Variants in PRDM2 observed in about 807,000 individuals in gnomAD.
The protein encoded by PRDM2 is PR domain zinc finger protein 2.
Under a neutral mutation model 130.0 loss-of-function variants are expected in PRDM2, and 30 were observed. That is an observed-to-expected ratio of 0.23 (90% CI 0.17 to 0.31). PRDM2 has a LOEUF of 0.31. PRDM2 is among the 10% of genes least tolerant of loss of function. PRDM2 has a pLI of 1.00. For missense variants in PRDM2, 2,011 were observed against 2,108.4 expected, an observed-to-expected ratio of 0.95 and a Z score of 0.90; for synonymous variants, 871 against 782.4, an observed-to-expected ratio of 1.11 and a Z score of -1.89.
intron 8 of PRDM2, among the ~76,000 whole-genome samples, chr1:13,799,516 C>T (rs1644975125): frequency 6.6e-6 from 1 of 151,906 alleles, no homozygotes; most frequent in Non-Finnish European, 1.5e-5. Flanking sequence ...ACCAGAAATC[C>T]TTCTGAACTT....
chr1:13,729,935 A>C (rs1643048631), intron 2 of PRDM2, among the ~76,000 whole-genome samples: 1 of 152,222 alleles, frequency 6.6e-6, no homozygotes, highest in Non-Finnish European at 1.5e-5. Flanking sequence ...TGAAATGCTG[A>C]GAGTATGCCA....
In PRDM2 at chr1:13,803,945, C is replaced by A. The variant is rs1014317729; in HGVS notation, c.5037-12482C>A. 2.0e-5 allele frequency among the ~76,000 whole-genome samples: 3 copies of A among 152,166 alleles called. No individual in the cohort carries two copies. The highest frequency in any genetic ancestry group is 7.2e-5 in the African/African-American group (3 of 41,434). On this transcript the variant is annotated intron_variant, in intron 8 of 9. Transcript: ENST00000311066. This position sits in a 1 kb window ranked among gnomAD's most constrained non-coding sequence, Gnocchi z 6.2. Reference sequence around the variant, plus strand: ...CACATTGGGGGCTCAGCAGTGGGCCCATGGCCTCCCTCAGGGCTGATGAGA... The same window carrying A: ...CACATTGGGGGCTCAGCAGTGGGCCAATGGCCTCCCTCAGGGCTGATGAGA...
At chr1:13,773,665 GA>G (rs1480195409) in intron 7 of PRDM2, 2 of 152,258 alleles carry the variant, frequency 1.3e-5, no homozygotes, top group Non-Finnish European at 2.9e-5. Flanking sequence ...ATTGAGCTGT[GA>G]TCCCCCCACT....
rs555605153 is a variant in PRDM2, at chr1:13,809,172, G to A, written c.5037-7255G>A. 3.9e-5 allele frequency among the ~76,000 whole-genome samples: 6 copies of A among 152,350 alleles called. No homozygotes were observed. The South Asian group carries it at 6.2e-4, about 16-fold the overall frequency. ...GTGCAGGCTGGACTTGATGTATCAA[G>A]GAACTTGGACTGCGTCCTGGGAGCC... On this transcript the variant is annotated intron_variant, in intron 8 of 9. Transcript: ENST00000311066.
At chr1:13,774,219 T>A (rs1302848778) in intron 7 of PRDM2, among the ~76,000 whole-genome samples, 1 of 152,198 alleles carries the variant, frequency 6.6e-6, no homozygotes, top group Non-Finnish European at 1.5e-5. Context: ...TGGGCCACCA[T>A]ATTGAGACTA....
chr1:13,812,200 G>A (rs1434419179), intron 8 of PRDM2, among the ~76,000 whole-genome samples: 1 of 152,164 alleles, frequency 6.6e-6, no homozygotes, highest in African/African-American at 2.4e-5. Flanking sequence ...AGTGGCAATT[G>A]CCACAGTCCC....
In PRDM2 at chr1:13,781,997, A is replaced by G; in HGVS notation, c.4202A>G (p.Lys1401Arg). The change falls in exon 8 of 10, where the codon AAA becomes AGA. Residue 1401 changes from lysine to arginine, a missense_variant. Physicochemically the swap from Lys to Arg is conservative, Grantham distance 26 (BLOSUM62 2). Around this residue, in one of 5 missense-constraint regions of PRDM2, gnomAD observed 410 missense variants for 395.9 expected, o/e 1.04. Coordinates refer to ENST00000311066, the MANE Select transcript of PRDM2 (RefSeq NM_001393986.1). The surrounding 1 kb of genome is among the most constrained non-coding windows in gnomAD (Gnocchi z 6.1). Reference protein sequence around the residue: ...KNAFRRMGQPKRLNFSVELSK... With the variant: ...KNAFRRMGQPRRLNFSVELSK... ...GCCTTCCGACGAATGGGACAGCCCA[A>G]AAGGCTTAACTTTAGTGTTGAGCTC... 1.9e-6 allele frequency: 3 copies of G among 1,614,232 alleles called. No homozygotes were observed. Among genetic ancestry groups the G allele is most frequent in the Non-Finnish European group, 2.5e-6 (3 of 1,180,040 alleles).
intron 6 of PRDM2, among the ~76,000 whole-genome samples, chr1:13,767,303 C>T (rs1644250453): frequency 6.7e-6 from 1 of 149,680 alleles, no homozygotes; most frequent in Admixed American, 6.7e-5. Flanking sequence ...CAGTTTAAGT[C>T]TTTGTTTTGT....
chr1:13,786,039 C>T (rs1393865517), intron 8 of PRDM2, among the ~76,000 whole-genome samples: 2 of 151,710 alleles, frequency 1.3e-5, no homozygotes, highest in Admixed American at 6.6e-5. Flanking sequence ...GGGGTTTCAC[C>T]GTGTTAGCCA....
At chr1:13,788,747 G>A (rs955807385) in intron 8 of PRDM2, among the ~76,000 whole-genome samples, 2 of 152,238 alleles carry the variant, frequency 1.3e-5, no homozygotes, top group African/African-American at 4.8e-5. Context: ...GTGAGGAGTT[G>A]AGTGTTGTGA....
In PRDM2 at chr1:13,780,524, C is replaced by A. The variant is rs41269805; in HGVS notation, c.2729C>A (p.Thr910Asn). 28 of 1,614,190 alleles carry A rather than the reference C, an allele frequency of 1.7e-5. No individual in the cohort carries two copies. Among genetic ancestry groups the A allele is most frequent in the Non-Finnish European group, 2.4e-5 (28 of 1,180,040 alleles). Residue 910 changes from threonine to asparagine, a missense_variant, in exon 8 of 10, where the codon ACC (threonine) becomes AAC (asparagine). Thr to Asn is a moderately conservative substitution (Grantham distance 65). Around this residue, in one of 5 missense-constraint regions of PRDM2, gnomAD observed 1,288 missense variants for 1,237.7 expected, o/e 1.04. Transcript: ENST00000311066. Reference sequence around the variant, plus strand: ...CCTGTAGAAAACCCTGCAGATGGGACCAGGAGCCCAAGTCCTTGTAAATCC... The same window carrying A: ...CCTGTAGAAAACCCTGCAGATGGGAACAGGAGCCCAAGTCCTTGTAAATCC... ...DLPVENPADGTRSPSPCKSLE... is the reference protein window; with the variant it reads ...DLPVENPADGNRSPSPCKSLE...
At chr1:13,818,254 G>A (rs1645289601) in intron 9 of PRDM2, among the ~76,000 whole-genome samples, 1 of 152,204 alleles carries the variant, frequency 6.6e-6, no homozygotes, top group Non-Finnish European at 1.5e-5. Flanking sequence ...TGGAATGAGA[G>A]TGTAGTTCAA....
intron 8 of PRDM2, among the ~76,000 whole-genome samples, chr1:13,808,678 G>C (rs1239044644): frequency 6.6e-6 from 1 of 152,124 alleles, no homozygotes; most frequent in Non-Finnish European, 1.5e-5. Flanking sequence ...GTCTTGAATT[G>C]CTCATTTCTT....
intron 2 of PRDM2, among the ~76,000 whole-genome samples, chr1:13,721,744 A>T (rs1228948689): frequency 2.6e-5 from 4 of 152,212 alleles, no homozygotes; most frequent in Non-Finnish European, 4.4e-5. Context: ...CTCTTATGTT[A>T]GGATAGTAAC....
intron 8 of PRDM2, chr1:13,786,933 A>G (rs543287997): frequency 2.2e-3 from 2,244 of 1,000,190 alleles, no homozygotes; most frequent in Non-Finnish European, 2.6e-3. Flanking sequence ...TTCAGGGATG[A>G]CAGATTTGGA....
At chr1:13,760,915 A>G (rs1008340567) in intron 6 of PRDM2, among the ~76,000 whole-genome samples, 2 of 152,162 alleles carry the variant, frequency 1.3e-5, no homozygotes, top group Non-Finnish European at 2.9e-5. Context: ...TAAAATCCAT[A>G]TATTTTCCTT....
rs1645379882 is a variant in PRDM2 at position 13,823,115 on chromosome 1, A to G, written c.*24-44A>G. 6 of 1,566,996 alleles carry G rather than the reference A, an allele frequency of 3.8e-6. 1 individual carries two copies. In the South Asian group the frequency reaches 5.8e-5, roughly 15 times the overall value. ...CATGGACCACCATGGTCGGCACTGA[A>G]TGTGTGCTTACTGTTATTATTTTTA... is the stretch of plus-strand genomic sequence containing the variant. On this transcript the variant is annotated intron_variant, in intron 9 of 9. Transcript: ENST00000311066.
At chr1:13,808,477 A>AC (rs948785950) in intron 8 of PRDM2, among the ~76,000 whole-genome samples, 2 of 151,600 alleles carry the variant, frequency 1.3e-5, no homozygotes, top group Non-Finnish European at 2.9e-5. Context: ...AAAAAAAAAA[A>AC]AAAAAACAGT....
intron 1 of PRDM2, among the ~76,000 whole-genome samples, chr1:13,714,494 T>G (rs1001746014): frequency 4.6e-5 from 7 of 152,126 alleles, no homozygotes; most frequent in Admixed American, 2.6e-4. Flanking sequence ...TTAAATATAG[T>G]GCCTTTGGTG....
Sources: allele counts gnomAD v4.1 joint callset (sites outside exome capture counted in the v4.1 genomes callset), GRCh38; gene constraint gnomAD v4.1.1; regional missense constraint gnomAD v4.1.1; non-coding constraint Gnocchi (gnomAD v3.1); transcripts MANE v1.5; gene names NCBI Gene and HGNC (gene_info 2026-07-23, HGNC 2026-07-21).